Variants in ZNF469 observed in about 807,000 individuals in gnomAD.
ZNF469 encodes zinc finger protein 469.
Under a neutral mutation model 1.0 loss-of-function variants are expected in ZNF469, and 1 was observed. The observed-to-expected ratio is 1.00, with a 90% CI of 0.35 to 4.73. The LOEUF (loss-of-function observed/expected upper bound fraction) is 4.73, where lower values mean the gene tolerates loss of function less well. Among genes scored for constraint, ZNF469 ranks in the 30% most tolerant of loss-of-function variants. ZNF469 has a pLI of 0.16. For synonymous variants in ZNF469, 2,703 were observed against 2,363.4 expected (o/e 1.14, Z -4.17); for missense variants, 6,100 against 5,356.3 (o/e 1.14, Z -4.33).
At chr16:88,138,616 G>A in the ZNF469 span, among the ~76,000 whole-genome samples, 1 of 152,208 alleles carries the variant, frequency 6.6e-6, no homozygotes, top group African/African-American at 2.4e-5. Flanking sequence ...GGTTGGTTCT[G>A]CAAAGGAACA....
At chr16:88,316,772 C>G in the ZNF469 span, among the ~76,000 whole-genome samples, 6 of 152,036 alleles carry the variant, frequency 3.9e-5, no homozygotes, top group Non-Finnish European at 7.4e-5. Flanking sequence ...GTTTCAAACT[C>G]CTGACCTCAA....
At chr16:88,208,666 GGGAAGAAGGGAGGAGGGAA>G in the ZNF469 span, among the ~76,000 whole-genome samples, 2 of 148,386 alleles carry the variant, frequency 1.3e-5, no homozygotes, top group South Asian at 4.4e-4. Flanking sequence ...GAGGGAGGGA[GGGAAGAAGGGAGGAGGGAA>G]GGAAGCACGC....
At chr16:88,391,507 G>T (rs1269791070) in intron 1 of ZNF469, among the ~76,000 whole-genome samples, 1 of 152,134 alleles carries the variant, frequency 6.6e-6, no homozygotes, top group Non-Finnish European at 1.5e-5. Context: ...CAAGGCAAGG[G>T]TGTCCCTCTC....
chr16:88,390,018 C>G (rs1364895413), intron 1 of ZNF469, among the ~76,000 whole-genome samples: 2 of 152,224 alleles, frequency 1.3e-5, no homozygotes, highest in East Asian at 3.8e-4. Flanking sequence ...GCTGTTCGTC[C>G]TTGCACAGCC....
the ZNF469 span, among the ~76,000 whole-genome samples, chr16:88,106,212 C>A: frequency 1.3e-5 from 2 of 152,240 alleles, no homozygotes; most frequent in African/African-American, 2.4e-5. Context: ...CGCGCCCCCA[C>A]ACCCTGGAGT....
chr16:88,372,679 C>G, the ZNF469 span, among the ~76,000 whole-genome samples: 2 of 150,874 alleles, frequency 1.3e-5, no homozygotes, highest in African/African-American at 4.9e-5. Context: ...ATCATCACCA[C>G]CATCATCACC....
At chr16:88,264,321 G>A in the ZNF469 span, among the ~76,000 whole-genome samples, 2 of 151,830 alleles carry the variant, frequency 1.3e-5, no homozygotes, top group East Asian at 3.9e-4. Flanking sequence ...CAACTCCCAC[G>A]TATTCCTGGG....
At chr16:88,385,207 G>A (rs1427455253) in intron 1 of ZNF469, among the ~76,000 whole-genome samples, 1 of 152,138 alleles carries the variant, frequency 6.6e-6, no homozygotes, top group Non-Finnish European at 1.5e-5. Context: ...TGGAAGCAGA[G>A]ATGCCCTCCC....
the ZNF469 span, among the ~76,000 whole-genome samples, chr16:88,208,795 ACACACACACTCT>A: frequency 1.9e-3 from 72 of 38,258 alleles, no homozygotes; most frequent in East Asian, 5.2e-3. Context: ...ACACACACAC[ACACACACACTCT>A]CTCTCTCTCT....
chr16:88,274,435 A>T, the ZNF469 span, among the ~76,000 whole-genome samples: 2 of 152,274 alleles, frequency 1.3e-5, no homozygotes, highest in African/African-American at 4.8e-5. Flanking sequence ...ACAATAAAAG[A>T]TAGAAATATA....
chr16:88,400,471 G>A (rs7184648), intron 1 of ZNF469, among the ~76,000 whole-genome samples: 17,421 of 152,224 alleles, frequency 0.11, 1,649 homozygotes, highest in African/African-American at 0.27. Context: ...AAGGAGCACA[G>A]TCCCAGAGCT....
the ZNF469 span, among the ~76,000 whole-genome samples, chr16:88,351,643 C>A: frequency 6.6e-6 from 1 of 152,196 alleles, no homozygotes; most frequent in Non-Finnish European, 1.5e-5. Flanking sequence ...CTGTGGCGGC[C>A]GCCCTGGGCT....
At chr16:88,346,717 A>G in the ZNF469 span, among the ~76,000 whole-genome samples, 1 of 151,734 alleles carries the variant, frequency 6.6e-6, no homozygotes, top group African/African-American at 2.4e-5. Context: ...GAGTCTCGCT[A>G]TGTTGCCCAG....
At chr16:88,140,131 T>C in the ZNF469 span, among the ~76,000 whole-genome samples, 6 of 152,178 alleles carry the variant, frequency 3.9e-5, no homozygotes, top group Admixed American at 3.9e-4. Flanking sequence ...GAGGGAGTCA[T>C]AATGAAAGTC....
At chr16:88,144,026 A>G in the ZNF469 span, among the ~76,000 whole-genome samples, 2 of 152,258 alleles carry the variant, frequency 1.3e-5, 1 homozygote, top group African/African-American at 4.8e-5. Context: ...CGCAGGGGAA[A>G]CGGCGCAGGG....
At chr16:88,163,347 G>C in the ZNF469 span, among the ~76,000 whole-genome samples, 1 of 145,566 alleles carries the variant, frequency 6.9e-6, no homozygotes, top group East Asian at 2.1e-4. Context: ...GGATGGATGG[G>C]TTGATGGATG....
In ZNF469 at chr16:88,434,022, G is replaced by T. The variant is rs12919507; in HGVS notation, c.6552G>T (p.Thr2184=). The T allele has an allele frequency of 0.086, 132,605 of 1,550,224 alleles. 6,147 individuals are homozygous for T. Among genetic ancestry groups the T allele is most frequent in the Middle Eastern group, 0.14 (853 of 5,992 alleles). Residue 2184 remains threonine, a synonymous_variant, in exon 3 of 3, where the codon ACG becomes ACT. Transcript: ENST00000565624. ...PLEEADGVQA[T]TDTGAEDSPV... is the part of the protein sequence containing the mutation. Reference sequence around the variant, plus strand: ...AAGAGGCAGATGGCGTCCAAGCCACGACAGATACTGGGGCTGAGGATTCCC... The same window carrying T: ...AAGAGGCAGATGGCGTCCAAGCCACTACAGATACTGGGGCTGAGGATTCCC...
chr16:88,118,894 C>T, the ZNF469 span, among the ~76,000 whole-genome samples: 1 of 152,156 alleles, frequency 6.6e-6, no homozygotes, highest in East Asian at 1.9e-4. Context: ...CTGCTTTATC[C>T]CCAGGTGGTC....
At chr16:88,297,201 G>T in the ZNF469 span, among the ~76,000 whole-genome samples, 1 of 152,204 alleles carries the variant, frequency 6.6e-6, no homozygotes, top group Non-Finnish European at 1.5e-5. Context: ...CAGTGGCGAT[G>T]GGAGATTGGG....
Sources: allele counts gnomAD v4.1 joint callset (sites outside exome capture counted in the v4.1 genomes callset), GRCh38; gene constraint gnomAD v4.1.1; transcripts MANE v1.5; gene names NCBI Gene and HGNC (gene_info 2026-07-23, HGNC 2026-07-21).